Variants in CHD2 observed in about 807,000 individuals in gnomAD.
CHD2 encodes ATP-dependent chromatin remodeler CHD2.
A neutral mutation model predicts 243.9 loss-of-function variants in CHD2; 28 were observed. The observed-to-expected ratio is 0.11, with a 90% confidence interval of 0.09 to 0.16. CHD2 has a LOEUF of 0.16. CHD2 is among the 10% of genes least tolerant of loss of function. The probability of loss-of-function intolerance (pLI) is 1.00; values close to 1 mark genes in which losing one functional copy is unlikely to be tolerated. For synonymous variants in CHD2, 775 were observed against 779.0 expected (o/e 0.99, Z 0.09); for missense variants, 1,386 against 2,209.8 (o/e 0.63, Z 7.47).
chr15:92,964,896 A>T (rs943271774), intron 16 of CHD2, among the ~76,000 whole-genome samples: 1 of 152,174 alleles, frequency 6.6e-6, no homozygotes, highest in Non-Finnish European at 1.5e-5. Context: ...ATGATTTTTT[A>T]AATTTTTACT....
chr15:92,917,697 A>G (rs1247864775), intron 2 of CHD2, among the ~76,000 whole-genome samples: 1 of 152,260 alleles, frequency 6.6e-6, no homozygotes, highest in African/African-American at 2.4e-5. Flanking sequence ...TCAACTGAAG[A>G]ATGTATGTAA....
At chr15:92,941,766 G>C in intron 7 of CHD2, 56 bp from the exon 8 acceptor site, 1 of 1,544,912 alleles carries the variant, frequency 6.5e-7, no homozygotes, top group Non-Finnish European at 8.9e-7. Context: ...GTTATGTGTG[G>C]CAGTTTAATT....
Position 92,993,094 on chromosome 15 carries a change from A to T in CHD2, c.3595+96A>T. On this transcript the variant is annotated intron_variant, in intron 28 of 38. Transcript: ENST00000394196. Reference sequence around the variant, plus strand: ...CGTTTTAAGGACAGGCTTGAGGACCACACATGCCTAGTGATTTCAGGTGTT... The same window carrying T: ...CGTTTTAAGGACAGGCTTGAGGACCTCACATGCCTAGTGATTTCAGGTGTT... 1.8e-5 allele frequency: 23 copies of T among 1,264,950 alleles called. 1 individual carries two copies. The South Asian group carries it at 3.1e-4, about 17-fold the overall frequency. 78.4% of individuals were successfully genotyped at this position (1,264,950 alleles called of 1,614,324 possible).
chr15:93,024,804 T>C lies in CHD2; in HGVS notation c.*99T>C. ...GTTATCTAGACCAGTAAGTGGAGTT[T>C]TGGACATGCTGCTGCTGTCAACTCA... On this transcript the variant is annotated 3_prime_UTR_variant, in exon 39 of 39. Transcript: ENST00000394196. 1 of 1,013,524 alleles carries C rather than the reference T, an allele frequency of 9.9e-7. No homozygotes were observed. The highest frequency in any genetic ancestry group is 1.4e-6 in the Non-Finnish European group (1 of 699,518). 62.8% of individuals were successfully genotyped at this position (1,013,524 alleles called of 1,614,324 possible).
chr15:92,961,138 C>A (rs1389540871), intron 16 of CHD2, among the ~76,000 whole-genome samples: 3 of 152,108 alleles, frequency 2.0e-5, no homozygotes, highest in African/African-American at 7.2e-5. Flanking sequence ...CGTTTCCCTT[C>A]TGTTTTCTGA....
chr15:92,903,450 G>T (rs1165902498), intron 2 of CHD2, among the ~76,000 whole-genome samples: 1 of 152,144 alleles, frequency 6.6e-6, no homozygotes, highest in Admixed American at 6.6e-5. Context: ...GGTAAATCTG[G>T]TAATACCCTG....
At position 92,974,928 on chromosome 15, in the gene CHD2, A is replaced by G. The variant is rs2053887900; in HGVS notation, c.2555A>G (p.His852Arg). ...KGEIRKQALDHFNADGSEDFC... is the reference protein window; with the variant it reads ...KGEIRKQALDRFNADGSEDFC... ...GAAATCCGAAAACAGGCACTGGACC[A>G]CTTCAATGCAGATGGGTCTGAGGTA... Residue 852 changes from histidine (H) to arginine (R), a missense_variant, in exon 20 of 39, where the codon CAC (histidine) becomes CGC (arginine). Around this residue, in one of 19 missense-constraint regions of CHD2, gnomAD observed 118 missense variants for 266.3 expected, o/e 0.44. Coordinates refer to ENST00000394196, the MANE Select transcript of CHD2 (RefSeq NM_001271.4). 6.2e-7 allele frequency: 1 copy of G among 1,613,784 alleles called. No individual in the cohort carries two copies. Among genetic ancestry groups the G allele is most frequent in the Non-Finnish European group, 8.5e-7 (1 of 1,179,686 alleles).
chr15:92,961,821 G>T (rs2053691430), intron 16 of CHD2, among the ~76,000 whole-genome samples: 1 of 148,460 alleles, frequency 6.7e-6, no homozygotes, highest in South Asian at 2.1e-4. Context: ...CAATTTTGAT[G>T]CTCTCAAAGA....
rs1472548207 is a variant in CHD2, at chr15:93,002,183, G to A, written c.4144G>A (p.Gly1382Ser). ...PSEEGEVKDD[G>S]LEKSPMKKKQ... is the part of the protein sequence containing the mutation. Reference sequence around the variant, plus strand: ...GCCCTGTTTTGTTTCCTAGGATGATGGCTTGGAAAAAAGTCCAATGAAAAA... The same window carrying A: ...GCCCTGTTTTGTTTCCTAGGATGATAGCTTGGAAAAAAGTCCAATGAAAAA... Residue 1382 changes from glycine to serine, a missense_variant, in exon 33 of 39, where the codon GGC becomes AGC. Gly to Ser is a moderately conservative substitution (Grantham distance 56). This residue lies in a region of CHD2 where 125 missense variants were observed against 128.9 expected (regional missense o/e 0.97). Transcript: ENST00000394196. 7 of 1,586,472 alleles carry A rather than the reference G, an allele frequency of 4.4e-6. No homozygotes were observed. Among genetic ancestry groups the A allele is most frequent in the Admixed American group, 1.9e-5 (1 of 51,562 alleles).
At chr15:93,000,393 T>C in intron 31 of CHD2, 119 bp from the exon 32 acceptor site, 1 of 1,075,694 alleles carries the variant, frequency 9.3e-7, no homozygotes, top group African/African-American at 1.6e-5. Flanking sequence ...TTGATTTCTT[T>C]GGAATTTTCT....
At chr15:92,938,775 A>G (rs1349864551) in intron 6 of CHD2, among the ~76,000 whole-genome samples, 1 of 152,134 alleles carries the variant, frequency 6.6e-6, no homozygotes, top group Non-Finnish European at 1.5e-5. Flanking sequence ...CCTTTTTATC[A>G]CTGATGGAAT....
At chr15:92,925,522 A>T (rs1026214548) in intron 3 of CHD2, among the ~76,000 whole-genome samples, 2 of 152,238 alleles carry the variant, frequency 1.3e-5, no homozygotes, top group African/African-American at 4.8e-5. Context: ...TGATGTAGTA[A>T]CACTGAAATG....
At chr15:92,940,308 C>T (rs760611589) in intron 7 of CHD2, among the ~76,000 whole-genome samples, 1 of 151,918 alleles carries the variant, frequency 6.6e-6, no homozygotes, top group South Asian at 2.1e-4. Context: ...AAGAAAAAGC[C>T]GAGTGTGGTG....
intron 2 of CHD2, among the ~76,000 whole-genome samples, chr15:92,918,875 T>G (rs2052897487): frequency 6.6e-6 from 1 of 152,018 alleles, no homozygotes; most frequent in Non-Finnish European, 1.5e-5. Context: ...ATATATTTTT[T>G]GAGACAGAGT....
intron 2 of CHD2, among the ~76,000 whole-genome samples, chr15:92,918,740 C>T (rs544325424): frequency 6.7e-6 from 1 of 149,206 alleles, no homozygotes; most frequent in African/African-American, 2.4e-5. Flanking sequence ...TAGGAAATGT[C>T]GTTTTTTTAA....
chr15:92,910,543 C>T (rs2052713202), intron 2 of CHD2, among the ~76,000 whole-genome samples: 1 of 152,050 alleles, frequency 6.6e-6, no homozygotes, highest in Non-Finnish European at 1.5e-5. Context: ...CAGGCGTTTG[C>T]CACCATACAC....
intron 18 of CHD2, 37 bp downstream of exon 18, chr15:92,971,964 C>G: frequency 1.9e-6 from 3 of 1,575,384 alleles, no homozygotes; most frequent in South Asian, 1.2e-5. Flanking sequence ...TCAAAAAAAA[C>G]GCTTAGTTTC....
intron 2 of CHD2, among the ~76,000 whole-genome samples, chr15:92,922,829 G>A (rs142171716): frequency 1.6e-4 from 25 of 152,114 alleles, no homozygotes; most frequent in Non-Finnish European, 3.4e-4. Flanking sequence ...CCCCTCAGTT[G>A]CTTTTTCACC....
At chr15:92,963,500 AG>A (rs1204608590) in intron 16 of CHD2, among the ~76,000 whole-genome samples, 2 of 152,160 alleles carry the variant, frequency 1.3e-5, no homozygotes, top group Non-Finnish European at 2.9e-5. Context: ...TGCTTTCCAC[AG>A]GTTTGTCTTT....
Sources: gnomAD v4.1 joint callset for allele counts (sites outside exome capture counted in the v4.1 genomes callset) on GRCh38, gnomAD v4.1.1 for gene constraint, gnomAD v4.1.1 regional missense constraint, MANE v1.5 for transcripts, NCBI Gene and HGNC (gene_info 2026-07-23, HGNC 2026-07-21) for gene names.